Variants in PARD3B observed in about 807,000 individuals in gnomAD.
PARD3B encodes the protein partitioning defective 3 homolog B.
In PARD3B, 103 loss-of-function variants were observed where a neutral mutation model predicts 130.2. That is an observed-to-expected ratio of 0.79 (90% CI 0.67 to 0.93). PARD3B has a LOEUF of 0.93. PARD3B is among the 40% of genes least tolerant of loss of function. PARD3B has a pLI of 0.00. For missense variants in PARD3B, 1,609 were observed against 1,499.2 expected, an observed-to-expected ratio of 1.07 and a Z score of -1.21; for synonymous variants, 583 against 553.2, an observed-to-expected ratio of 1.05 and a Z score of -0.76.
At chr2:205,001,612 C>A (rs1291993119) in intron 3 of PARD3B, among the ~76,000 whole-genome samples, 2 of 152,182 alleles carry the variant, frequency 1.3e-5, no homozygotes, top group East Asian at 3.9e-4. Context: ...TGGGTGGTCT[C>A]AAACAGGCAG....
In PARD3B at chr2:205,525,869, T is replaced by A. The variant is rs1407186434; in HGVS notation, c.3180+25838T>A. ...CTATGGGTCCACGTTGTGTACCCAG[T>A]CCCGGGAAGGTGCAAGAAAATCTGA... is the stretch of plus-strand genomic sequence containing the variant. On this transcript the variant is annotated intron_variant, in intron 21 of 22. Coordinates refer to ENST00000406610, the MANE Select transcript of PARD3B (RefSeq NM_001302769.2). This position sits in a 1 kb window ranked among gnomAD's most constrained non-coding sequence, Gnocchi z 4.2. Among the ~76,000 whole-genome samples the A allele has an allele frequency of 6.6e-6, 1 of 152,202 alleles. No individual in the cohort carries two copies. Among genetic ancestry groups the A allele is most frequent in the African/African-American group, 2.4e-5 (1 of 41,466 alleles).
At position 204,967,087 on chromosome 2, in the gene PARD3B, A is replaced by G. The variant is rs914731293; in HGVS notation, c.394+1764A>G. ...GCAATTCCTAAAACAACCAACTAAT[A>G]TAACTGTCTTGGGGTTTACTTTGAG... On this transcript the variant is annotated intron_variant, in intron 3 of 22. Transcript: ENST00000406610. This position sits in a 1 kb window ranked among gnomAD's most constrained non-coding sequence, Gnocchi z 4.4. 8.5e-5 allele frequency among the ~76,000 whole-genome samples: 13 copies of G among 152,334 alleles called. No homozygotes were observed. In the East Asian group the frequency reaches 2.5e-3, roughly 29 times the overall value.
intron 15 of PARD3B, among the ~76,000 whole-genome samples, chr2:205,243,166 CAA>C (rs531145046): frequency 4.4e-5 from 6 of 137,188 alleles, no homozygotes; most frequent in Non-Finnish European, 4.8e-5. Flanking sequence ...AACTCCGTCT[CAA>C]AAAAAAAAAA....
intron 19 of PARD3B, among the ~76,000 whole-genome samples, chr2:205,436,436 T>G (rs1168546264): frequency 3.9e-5 from 6 of 152,178 alleles, no homozygotes; most frequent in Non-Finnish European, 5.9e-5. Flanking sequence ...GAGGCCAGCA[T>G]GAGTTTGCCT....
intron 2 of PARD3B, among the ~76,000 whole-genome samples, chr2:204,854,600 A>G (rs1007357853): frequency 4.6e-5 from 7 of 152,218 alleles, no homozygotes; most frequent in Non-Finnish European, 8.8e-5. Flanking sequence ...TGAATATTCC[A>G]TACTGAACAC....
chr2:204,679,423 T>A (rs2036715874), intron 1 of PARD3B, among the ~76,000 whole-genome samples: 1 of 152,192 alleles, frequency 6.6e-6, no homozygotes, highest in African/African-American at 2.4e-5. Flanking sequence ...AGTGATTGTA[T>A]ACATTTACAC....
chr2:204,919,269 A>G (rs2125745787), intron 2 of PARD3B, among the ~76,000 whole-genome samples: 1 of 152,322 alleles, frequency 6.6e-6, no homozygotes, highest in East Asian at 1.9e-4. Flanking sequence ...AGTAAAATTT[A>G]CATATGATGA....
At chr2:205,047,446 T>C (rs1320262752) in intron 3 of PARD3B, 135 bp from the exon 4 acceptor site, 6 of 568,960 alleles carry the variant, frequency 1.1e-5, no homozygotes, top group African/African-American at 1.9e-5. Flanking sequence ...ATGGATTAAT[T>C]TACAAGCATC....
chr2:205,550,941 G>GTA lies in PARD3B; in HGVS notation c.3181-2373_3181-2372dup, dbSNP rs1213487965. On this transcript the variant is annotated intron_variant, in intron 21 of 22. Transcript: ENST00000406610. The surrounding 1 kb of genome is among the most constrained non-coding windows in gnomAD (Gnocchi z 4.5). ...TATAATTATGTGTGTGTGTGTGTGT[G>GTA]TATATATATATGTGTATATATATAT... is the stretch of plus-strand genomic sequence containing the variant. 0.054 allele frequency among the ~76,000 whole-genome samples: 6,175 copies of GTA among 114,708 alleles called. 568 individuals carry two copies. The highest frequency in any genetic ancestry group is 0.19 in the African/African-American group (5,874 of 30,840). 75.3% of individuals were successfully genotyped at this position (114,708 alleles called of 152,430 possible).
chr2:205,295,093 C>CAT (rs10638936), intron 16 of PARD3B, among the ~76,000 whole-genome samples: 131,132 of 152,018 alleles, frequency 0.86, 56,889 homozygotes, highest in South Asian at 0.91. Context: ...AAAAATCAAA[C>CAT]AGAAAATTTT....
chr2:205,490,078 C>G (rs1055433778), intron 20 of PARD3B, among the ~76,000 whole-genome samples: 1 of 152,062 alleles, frequency 6.6e-6, no homozygotes, highest in South Asian at 2.1e-4. Flanking sequence ...AAGAGCTTAC[C>G]ATTTCAAAAT....
chr2:204,825,886 C>G (rs985926295), intron 2 of PARD3B, among the ~76,000 whole-genome samples: 1 of 152,082 alleles, frequency 6.6e-6, no homozygotes, highest in African/African-American at 2.4e-5. Flanking sequence ...CCTAGATTTT[C>G]GTTGTTTTGG....
chr2:205,519,250 AC>A (rs1444018048), intron 21 of PARD3B, among the ~76,000 whole-genome samples: 1 of 151,988 alleles, frequency 6.6e-6, no homozygotes, highest in African/African-American at 2.4e-5. Flanking sequence ...ATAATCCCAT[AC>A]TTTCCAGAGG....
intron 16 of PARD3B, among the ~76,000 whole-genome samples, chr2:205,289,619 A>T (rs2041526979): frequency 6.6e-6 from 1 of 152,096 alleles, no homozygotes; most frequent in South Asian, 2.1e-4. Context: ...ATGTGCTGGA[A>T]ACACAGCTCC....
At chr2:204,728,601 A>C (rs1000509269) in intron 2 of PARD3B, among the ~76,000 whole-genome samples, 10 of 66,954 alleles carry the variant, frequency 1.5e-4, no homozygotes, top group African/African-American at 5.6e-4. Flanking sequence ...GTTGCAAAGC[A>C]TGCTCACTTG....
chr2:205,334,371 C>T (rs1220508367), intron 18 of PARD3B, among the ~76,000 whole-genome samples: 3 of 152,070 alleles, frequency 2.0e-5, no homozygotes, highest in Non-Finnish European at 4.4e-5. Context: ...CAACCCATCC[C>T]CCCAAAATGT....
At chr2:205,573,082 A>C (rs1354549566) in intron 22 of PARD3B, among the ~76,000 whole-genome samples, 2 of 152,140 alleles carry the variant, frequency 1.3e-5, no homozygotes, top group Non-Finnish European at 2.9e-5. Context: ...ATCTCATGAG[A>C]ACTCACTCAC....
chr2:204,854,572 C>T (rs893818363), intron 2 of PARD3B, among the ~76,000 whole-genome samples: 24 of 152,086 alleles, frequency 1.6e-4, no homozygotes, highest in Non-Finnish European at 1.5e-5. Context: ...GCATCGTTTT[C>T]ACCCAAGGGT....
At chr2:204,551,949 T>C (rs2030495237) in intron 1 of PARD3B, among the ~76,000 whole-genome samples, 1 of 152,214 alleles carries the variant, frequency 6.6e-6, no homozygotes, top group African/African-American at 2.4e-5. Flanking sequence ...AGAGATGTTC[T>C]AGATCTGCAT....
Sources: gnomAD v4.1 joint callset for allele counts (sites outside exome capture counted in the v4.1 genomes callset) on GRCh38, gnomAD v4.1.1 for gene constraint, Gnocchi (gnomAD v3.1) non-coding constraint, MANE v1.5 for transcripts, NCBI Gene and HGNC (gene_info 2026-07-23, HGNC 2026-07-21) for gene names.